The following SLC25A21 variants were observed in gnomAD, a reference collection of about 807,000 sequenced individuals.
The protein encoded by SLC25A21 is mitochondrial 2-oxodicarboxylate carrier.
Under a neutral mutation model 43.8 loss-of-function variants are expected in SLC25A21, and 47 were observed. The ratio of observed to expected loss-of-function variants is 1.07; its 90% CI spans 0.85 to 1.37. SLC25A21 has a LOEUF of 1.37. SLC25A21 is among the 40% of genes most tolerant of loss of function. The pLI is 0.00. For missense variants in SLC25A21, 352 were observed against 350.2 expected (o/e 1.00, Z -0.04); for synonymous variants, 131 against 121.3 (o/e 1.08, Z -0.52).
At chr14:36,932,353 C>T (rs1191647102) in intron 1 of SLC25A21, among the ~76,000 whole-genome samples, 1 of 152,092 alleles carries the variant, frequency 6.6e-6, no homozygotes, top group East Asian at 1.9e-4. Flanking sequence ...GGTTGATACT[C>T]AACAAGAACC....
At chr14:36,863,247 G>C (rs867192970) in intron 2 of SLC25A21, among the ~76,000 whole-genome samples, 2 of 152,174 alleles carry the variant, frequency 1.3e-5, no homozygotes, top group Non-Finnish European at 2.9e-5. Context: ...ACAGGAGAAG[G>C]CTTTGCAGTT....
At chr14:36,782,190 C>T (rs1887088067) in intron 3 of SLC25A21, among the ~76,000 whole-genome samples, 1 of 152,140 alleles carries the variant, frequency 6.6e-6, no homozygotes, top group Non-Finnish European at 1.5e-5. Context: ...TACTTTGATT[C>T]TAATGTGTGC....
chr14:37,050,802 T>TA (rs1704902272), intron 1 of SLC25A21, among the ~76,000 whole-genome samples: 1 of 152,172 alleles, frequency 6.6e-6, no homozygotes, highest in Non-Finnish European at 1.5e-5. Context: ...AAGCCTCTAC[T>TA]AGTGAAAAGT....
intron 3 of SLC25A21, among the ~76,000 whole-genome samples, chr14:36,783,908 G>GT (rs1245330113): frequency 6.6e-6 from 1 of 152,076 alleles, no homozygotes; most frequent in Admixed American, 6.6e-5. Flanking sequence ...TTCTGTACCC[G>GT]ACTTCCCACC....
chr14:36,755,341 T>G lies in SLC25A21; in HGVS notation c.204-20768A>C, dbSNP rs149365173. 1.3e-3 allele frequency among the ~76,000 whole-genome samples: 199 copies of G among 152,356 alleles called. 2 individuals are homozygous for G. The highest frequency in any genetic ancestry group is 4.3e-3 in the African/African-American group (179 of 41,594). The stretch of plus-strand genomic sequence containing the variant: ...CACCACTGTATTCAGAAAGTGGGCA[T>G]TTTGCACATATAACATTTCCATGAA... On this transcript the variant is annotated intron_variant, in intron 3 of 9. Transcript: ENST00000331299.
At chr14:37,064,684 A>G (rs912368581) in intron 1 of SLC25A21, among the ~76,000 whole-genome samples, 2 of 152,076 alleles carry the variant, frequency 1.3e-5, no homozygotes, top group Admixed American at 1.3e-4. Context: ...CCAACACCCC[A>G]TTCTATGAAT....
At chr14:36,883,610 C>G (rs1039842950) in intron 1 of SLC25A21, among the ~76,000 whole-genome samples, 1 of 152,032 alleles carries the variant, frequency 6.6e-6, no homozygotes, top group Non-Finnish European at 1.5e-5. Flanking sequence ...CACTAAGTAC[C>G]CAGAACATGC....
At chr14:37,041,442 C>A (rs991470763) in intron 1 of SLC25A21, among the ~76,000 whole-genome samples, 1 of 151,972 alleles carries the variant, frequency 6.6e-6, no homozygotes, top group African/African-American at 2.4e-5. Flanking sequence ...TCACTTTGAA[C>A]CCAAGAGTTC....
At chr14:36,976,550 A>G (rs1959876771) in intron 1 of SLC25A21, among the ~76,000 whole-genome samples, 1 of 152,034 alleles carries the variant, frequency 6.6e-6, no homozygotes, top group South Asian at 2.1e-4. Flanking sequence ...AAAAAAAACA[A>G]AACAAAACAA....
At chr14:37,077,770 C>T (rs1035976878) in intron 1 of SLC25A21, among the ~76,000 whole-genome samples, 14 of 152,036 alleles carry the variant, frequency 9.2e-5, no homozygotes, top group African/African-American at 3.4e-4. Flanking sequence ...ATATAATGGT[C>T]AGTAAATCCC....
chr14:36,751,446 C>G (rs751858005), intron 3 of SLC25A21, among the ~76,000 whole-genome samples: 1 of 152,146 alleles, frequency 6.6e-6, no homozygotes, highest in East Asian at 1.9e-4. Flanking sequence ...TTTAGAGAAG[C>G]AACACTGCAT....
intron 1 of SLC25A21, among the ~76,000 whole-genome samples, chr14:36,956,193 T>G (rs1170954404): frequency 1.3e-5 from 2 of 152,150 alleles, no homozygotes; most frequent in South Asian, 2.1e-4. Flanking sequence ...TTATGTGTTT[T>G]CTCTCCCCGA....
At chr14:36,978,824 T>G (rs931375390) in intron 1 of SLC25A21, among the ~76,000 whole-genome samples, 9 of 152,222 alleles carry the variant, frequency 5.9e-5, no homozygotes, top group African/African-American at 2.2e-4. Flanking sequence ...TCACCGACTC[T>G]AAATCAGGCA....
chr14:36,959,015 G>C (rs1375279002), intron 1 of SLC25A21, among the ~76,000 whole-genome samples: 1 of 152,112 alleles, frequency 6.6e-6, no homozygotes, highest in African/African-American at 2.4e-5. Flanking sequence ...CCCTATTCAA[G>C]CATGGAAGGA....
chr14:37,049,696 C>T (rs1395485993), intron 1 of SLC25A21, among the ~76,000 whole-genome samples: 2 of 152,006 alleles, frequency 1.3e-5, no homozygotes, highest in African/African-American at 2.4e-5. Flanking sequence ...ATTTGTAATT[C>T]TGAATTTTCT....
At chr14:36,973,806 G>C (rs545216349) in intron 1 of SLC25A21, among the ~76,000 whole-genome samples, 20 of 152,312 alleles carry the variant, frequency 1.3e-4, no homozygotes, top group Middle Eastern at 6.8e-3. Context: ...CACAGGAAAA[G>C]GGGGAAAGAA....
At chr14:36,946,204 A>G (rs1358891025) in intron 1 of SLC25A21, among the ~76,000 whole-genome samples, 2 of 152,224 alleles carry the variant, frequency 1.3e-5, no homozygotes, top group Non-Finnish European at 2.9e-5. Context: ...ACTTCTTGTC[A>G]TACTGTACCA....
At chr14:36,925,433 T>G (rs1892104382) in intron 1 of SLC25A21, among the ~76,000 whole-genome samples, 1 of 152,198 alleles carries the variant, frequency 6.6e-6, no homozygotes, top group South Asian at 2.1e-4. Context: ...AATGGCCATG[T>G]TAATCAGACA....
At chr14:36,844,311 T>C (rs182702494) in intron 2 of SLC25A21, among the ~76,000 whole-genome samples, 1 of 152,292 alleles carries the variant, frequency 6.6e-6, no homozygotes, top group East Asian at 1.9e-4. Context: ...AGTGAAATTG[T>C]CTGACAATTT....
Sources: allele counts gnomAD v4.1 joint callset (sites outside exome capture counted in the v4.1 genomes callset), GRCh38; gene constraint gnomAD v4.1.1; transcripts MANE v1.5; gene names NCBI Gene and HGNC (gene_info 2026-07-23, HGNC 2026-07-21).